The following DRC11 variants were observed in gnomAD, a reference collection of about 807,000 sequenced individuals.
DRC11 encodes IQ and AAA domain-containing protein 1.
the DRC11 span, among the ~76,000 whole-genome samples, chr2:236,348,764 C>T: frequency 2.0e-5 from 3 of 152,102 alleles, no homozygotes; most frequent in South Asian, 4.1e-4. The surrounding 1 kb of genome is among the most constrained non-coding windows in gnomAD (Gnocchi z 7.4). Flanking sequence ...CAGGAAGCCC[C>T]GCTCGGAAGC....
the DRC11 span, chr2:236,368,468 G>A: frequency 1.7e-6 from 1 of 580,270 alleles, no homozygotes; most frequent in South Asian, 2.1e-5. Flanking sequence ...CTCAGATAAA[G>A]GTTTGAAGAA....
the DRC11 span, among the ~76,000 whole-genome samples, chr2:236,435,585 T>C: frequency 1.3e-5 from 2 of 152,172 alleles, no homozygotes; most frequent in Admixed American, 1.3e-4. Context: ...CAAGCATGTC[T>C]TACATGGTGG....
the DRC11 span, among the ~76,000 whole-genome samples, chr2:236,356,493 G>A: frequency 6.6e-6 from 1 of 152,228 alleles, no homozygotes; most frequent in Non-Finnish European, 1.5e-5. Context: ...GGCCAGCTGG[G>A]GGGCCACGCG....
chr2:236,338,132 G>T, the DRC11 span: 1 of 1,473,874 alleles, frequency 6.8e-7, no homozygotes, highest in Non-Finnish European at 9.1e-7. Flanking sequence ...TCCAAGGGCC[G>T]CCCTCCTGGC....
the DRC11 span, among the ~76,000 whole-genome samples, chr2:236,476,899 A>G: frequency 1.3e-5 from 2 of 151,936 alleles, no homozygotes; most frequent in African/African-American, 2.4e-5. The surrounding 1 kb of genome is among the most constrained non-coding windows in gnomAD (Gnocchi z 4.7). Context: ...CTCTCCCTCC[A>G]CCGGCCCTCC....
chr2:236,440,449 G>T, the DRC11 span, among the ~76,000 whole-genome samples: 26 of 152,286 alleles, frequency 1.7e-4, no homozygotes, highest in Admixed American at 1.2e-3. Context: ...TAAATACTGT[G>T]AAGCTAAGAA....
chr2:236,443,970 G>A, the DRC11 span, among the ~76,000 whole-genome samples: 1 of 147,522 alleles, frequency 6.8e-6, no homozygotes, highest in Non-Finnish European at 1.5e-5. This position sits in a 1 kb window ranked among gnomAD's most constrained non-coding sequence, Gnocchi z 4.4. Context: ...ATATTTGTTG[G>A]CCACATGAAT....
At chr2:236,367,881 C>T in the DRC11 span, 3 of 366,264 alleles carry the variant, frequency 8.2e-6, no homozygotes, top group Non-Finnish European at 1.6e-5. The surrounding 1 kb of genome is among the most constrained non-coding windows in gnomAD (Gnocchi z 4.8). Context: ...TAGCCCTAGC[C>T]CGTTCTCTAA....
At chr2:236,401,771 G>A in the DRC11 span, among the ~76,000 whole-genome samples, 2 of 151,990 alleles carry the variant, frequency 1.3e-5, no homozygotes, top group African/African-American at 4.8e-5. The surrounding 1 kb of genome is among the most constrained non-coding windows in gnomAD (Gnocchi z 4.6). Flanking sequence ...GAAGAGAGGG[G>A]GGAAGGGGAG....
the DRC11 span, among the ~76,000 whole-genome samples, chr2:236,448,356 G>A: frequency 6.6e-6 from 1 of 152,158 alleles, no homozygotes; most frequent in African/African-American, 2.4e-5. The surrounding 1 kb of genome is among the most constrained non-coding windows in gnomAD (Gnocchi z 5.3). Context: ...GAAGGAATGT[G>A]CCACTTAGTA....
the DRC11 span, among the ~76,000 whole-genome samples, chr2:236,360,181 G>A: frequency 1.1e-4 from 17 of 152,278 alleles, no homozygotes; most frequent in South Asian, 4.2e-4. This position sits in a 1 kb window ranked among gnomAD's most constrained non-coding sequence, Gnocchi z 5.8. Context: ...CAGCCATTCA[G>A]CCCTATTTCA....
chr2:236,367,260 TATATA>T, the DRC11 span, among the ~76,000 whole-genome samples: 1 of 148,344 alleles, frequency 6.7e-6, no homozygotes, highest in Admixed American at 6.8e-5. This position sits in a 1 kb window ranked among gnomAD's most constrained non-coding sequence, Gnocchi z 4.8. Flanking sequence ...ATATTTGTTA[TATATA>T]ATATAAATTA....
chr2:236,357,853 AATAT>A, the DRC11 span, among the ~76,000 whole-genome samples: 1 of 88,726 alleles, frequency 1.1e-5, no homozygotes. Context: ...GTAATATATA[AATAT>A]ATACTATATA....
chr2:236,463,987 G>T, the DRC11 span, among the ~76,000 whole-genome samples: 3 of 152,228 alleles, frequency 2.0e-5, no homozygotes, highest in Non-Finnish European at 2.9e-5. The surrounding 1 kb of genome is among the most constrained non-coding windows in gnomAD (Gnocchi z 5.0). Flanking sequence ...CTCACTGGCT[G>T]TTGCCTGGGA....
chr2:236,367,755 C>T, the DRC11 span: 5 of 187,970 alleles, frequency 2.7e-5, no homozygotes, highest in Non-Finnish European at 4.5e-5. The surrounding 1 kb of genome is among the most constrained non-coding windows in gnomAD (Gnocchi z 4.8). Context: ...TCGGTGAAAA[C>T]TGGCAGGGCC....
At chr2:236,395,863 C>A in the DRC11 span, among the ~76,000 whole-genome samples, 1 of 152,100 alleles carries the variant, frequency 6.6e-6, no homozygotes, top group African/African-American at 2.4e-5. Context: ...AGCTACTTTT[C>A]TTTTTCACTA....
the DRC11 span, among the ~76,000 whole-genome samples, chr2:236,323,864 AGCTTT>A: frequency 6.6e-6 from 1 of 151,744 alleles, no homozygotes; most frequent in Non-Finnish European, 1.5e-5. The surrounding 1 kb of genome is among the most constrained non-coding windows in gnomAD (Gnocchi z 6.4). Flanking sequence ...TTCTCTTTTG[AGCTTT>A]CCCTACTCTT....
the DRC11 span, among the ~76,000 whole-genome samples, chr2:236,445,241 A>G: frequency 1.3e-5 from 2 of 152,192 alleles, no homozygotes; most frequent in Non-Finnish European, 1.5e-5. The surrounding 1 kb of genome is among the most constrained non-coding windows in gnomAD (Gnocchi z 4.8). Context: ...CTAACGTGGA[A>G]TTCTTAATTA....
chr2:236,346,741 A>T, the DRC11 span: 1 of 168,846 alleles, frequency 5.9e-6, no homozygotes, highest in African/African-American at 2.4e-5. Flanking sequence ...CTGTATTTCT[A>T]TAATAATCAT....
Sources: allele counts gnomAD v4.1 joint callset (sites outside exome capture counted in the v4.1 genomes callset), GRCh38; gene constraint gnomAD v4.1.1; non-coding constraint Gnocchi (gnomAD v3.1); transcripts MANE v1.5; gene names NCBI Gene and HGNC (gene_info 2026-07-23, HGNC 2026-07-21).